CD109: variants seen among roughly 807,000 people sequenced by gnomAD.
CD109 encodes CD109 molecule, also known as CD109 antigen.
A neutral mutation model predicts 165.8 loss-of-function variants in CD109; 149 were observed. That is an observed-to-expected ratio of 0.90 (90% CI 0.79 to 1.03). The LOEUF is 1.03. CD109 is among the 50% of genes least tolerant of loss of function. The probability of loss-of-function intolerance (pLI) is 0.00; values close to 1 mark genes in which losing one functional copy is unlikely to be tolerated. For missense variants in CD109, 1,712 were observed against 1,677.8 expected, an observed-to-expected ratio of 1.02 and a Z score of -0.36; for synonymous variants, 585 against 592.1, an observed-to-expected ratio of 0.99 and a Z score of 0.18.
rs775042813 is a variant in CD109, at chr6:73,762,816, G to A, written c.931G>A (p.Glu311Lys). The A allele has an allele frequency of 1.2e-6, 2 of 1,612,082 alleles. No homozygotes were observed. The highest frequency in any genetic ancestry group is 2.7e-5 in the African/African-American group (2 of 74,904). ...NVMDSSNGLS[E>K]YLDLSSPGPV... ...AATGGATTCTTCAAATGGACTTTCT[G>A]AATACCTGGATCTATCTTCCCCTGG... The change falls in exon 9 of 33, where the codon GAA becomes AAA. Residue 311 changes from glutamate to lysine, a missense_variant. Transcript: ENST00000287097.
At chr6:73,773,050 G>T in intron 15 of CD109, among the ~76,000 whole-genome samples, 1 of 149,950 alleles carries the variant, frequency 6.7e-6, no homozygotes, top group African/African-American at 2.4e-5. Context: ...TAAATATCTT[G>T]GTAAATATAT....
intron 5 of CD109, among the ~76,000 whole-genome samples, chr6:73,748,846 C>T (rs1375517929): frequency 6.6e-6 from 1 of 152,172 alleles, no homozygotes; most frequent in African/African-American, 2.4e-5. Context: ...CATTTTCTCT[C>T]ATTTTGCAAA....
chr6:73,806,955 C>A lies in CD109; in HGVS notation c.3072C>A (p.Asn1024Lys), dbSNP rs374538782. 1 of 1,613,902 alleles carries A rather than the reference C, an allele frequency of 6.2e-7. No homozygotes were observed. Among genetic ancestry groups the A allele is most frequent in the Non-Finnish European group, 8.5e-7 (1 of 1,179,944 alleles). The change falls in exon 25 of 33, where the codon AAC becomes AAA. Residue 1024 changes from asparagine (N) to lysine (K), a missense_variant. Asn to Lys is a moderately conservative substitution (Grantham distance 94). Coordinates refer to ENST00000287097, the MANE Select transcript of CD109 (RefSeq NM_133493.5). ...GGCTTAAAGGACATCAGAAATCCAA[C>A]GGTGAATTTTGGGATCCAGGAAGAG... ...YTWLKGHQKS[N>K]GEFWDPGRVI... is the part of the protein sequence containing the mutation.
Position 73,788,955 on chromosome 6 carries a change from A to ACTATACTGT in CD109, c.2701+344_2701+352dup, listed in dbSNP as rs1282234954. On this transcript the variant is annotated intron_variant, in intron 22 of 32. Transcript: ENST00000287097. ...ACCACACTTTGAGTAGCAAGGCCTC[A>ACTATACTGT]CTATACTGTGGCTGGAGGGAGGGTT... is the stretch of plus-strand genomic sequence containing the variant. Among the ~76,000 whole-genome samples, 5 of 152,182 alleles carry ACTATACTGT rather than the reference A, an allele frequency of 3.3e-5. No individual in the cohort carries two copies. The East Asian group carries it at 7.7e-4, about 23-fold the overall frequency.
chr6:73,729,517 TA>T (rs1019409573), intron 3 of CD109, among the ~76,000 whole-genome samples: 24 of 148,676 alleles, frequency 1.6e-4, no homozygotes, highest in Non-Finnish European at 3.3e-4. Flanking sequence ...TTATTATTAT[TA>T]TTATTATTAT....
intron 26 of CD109, among the ~76,000 whole-genome samples, chr6:73,809,275 C>T (rs1775673586): frequency 6.6e-6 from 1 of 151,936 alleles, no homozygotes; most frequent in Admixed American, 6.6e-5. Context: ...TAACACCAAC[C>T]TTCAGATAAT....
At chr6:73,749,772 G>GT (rs1450476649) in intron 5 of CD109, among the ~76,000 whole-genome samples, 2 of 152,192 alleles carry the variant, frequency 1.3e-5, no homozygotes, top group Non-Finnish European at 2.9e-5. Context: ...AAACATGATA[G>GT]TGTAGAAAGT....
At chr6:73,734,956 A>G (rs1024832709) in intron 4 of CD109, among the ~76,000 whole-genome samples, 1 of 152,236 alleles carries the variant, frequency 6.6e-6, no homozygotes, top group African/African-American at 2.4e-5. Context: ...CTCCAGATAT[A>G]CTAGGGACTT....
At position 73,748,857 on chromosome 6, in the gene CD109, C is replaced by T. The variant is rs73458391; in HGVS notation, c.634-7786C>T. ...TAAACATTTTCTCTCATTTTGCAAA[C>T]CCTATTGACTCTGTCATTCCTCTAA... On this transcript the variant is annotated intron_variant, in intron 5 of 32. Coordinates refer to ENST00000287097, the MANE Select transcript of CD109 (RefSeq NM_133493.5). Among the ~76,000 whole-genome samples, 993 of 152,274 alleles carry T rather than the reference C, an allele frequency of 6.5e-3. 16 individuals are homozygous for T. The highest frequency in any genetic ancestry group is 0.022 in the African/African-American group (929 of 41,546).
chr6:73,704,664 G>A (rs1402651213), intron 2 of CD109, among the ~76,000 whole-genome samples: 3 of 152,058 alleles, frequency 2.0e-5, no homozygotes, highest in South Asian at 4.2e-4. Context: ...CTGTGAAGAG[G>A]GCTTTATAAT....
At chr6:73,736,603 A>T in intron 5 of CD109, 95 bp downstream of exon 5, 2 of 1,064,354 alleles carry the variant, frequency 1.9e-6, no homozygotes, top group Non-Finnish European at 2.7e-6. Flanking sequence ...AATGAAGAGA[A>T]AAAAATTAAT....
chr6:73,791,788 T>G (rs1774982098), intron 22 of CD109, among the ~76,000 whole-genome samples: 1 of 152,210 alleles, frequency 6.6e-6, no homozygotes, highest in African/African-American at 2.4e-5. Context: ...CATCTAAAAT[T>G]TAAGCTATAC....
chr6:73,688,556 T>G, the CD109 span, among the ~76,000 whole-genome samples: 1 of 152,136 alleles, frequency 6.6e-6, no homozygotes, highest in Non-Finnish European at 1.5e-5. Context: ...GAGAGTCTTT[T>G]GTACTAATGA....
At chr6:73,703,458 G>C (rs1771152776) in intron 2 of CD109, among the ~76,000 whole-genome samples, 1 of 152,214 alleles carries the variant, frequency 6.6e-6, no homozygotes, top group African/African-American at 2.4e-5. Flanking sequence ...CTGGGAGACT[G>C]AGGTGAGGCA....
intron 4 of CD109, 27 bp from the exon 5 acceptor site, chr6:73,736,356 T>A: frequency 6.2e-7 from 1 of 1,611,822 alleles, no homozygotes; most frequent in Non-Finnish European, 8.5e-7. Flanking sequence ...AGCCTCTACA[T>A]ACTTACATGT....
Position 73,825,397 on chromosome 6 carries a change from C to G in CD109, c.*1764C>G, listed in dbSNP as rs9447040. ...TGTAAACGTGTTTTTGCCCTTTACT[C>G]TCTGGGAGTTCTTTAAAGGTGAAAT... On this transcript the variant is annotated 3_prime_UTR_variant, in exon 33 of 33. Coordinates refer to ENST00000287097, the MANE Select transcript of CD109 (RefSeq NM_133493.5). 1 of 152,156 alleles carries G rather than the reference C, an allele frequency of 6.6e-6. No homozygotes were observed. The highest frequency in any genetic ancestry group is 2.1e-4 in the South Asian group (1 of 4,824). 9.4% of individuals were successfully genotyped at this position (152,156 alleles called of 1,614,324 possible).
Position 73,823,501 on chromosome 6 carries a change from C to T in CD109, c.4206C>T (p.Ser1402=). 6.2e-7 allele frequency: 1 copy of T among 1,613,498 alleles called. No homozygotes were observed. The highest frequency in any genetic ancestry group is 2.2e-5 in the East Asian group (1 of 44,888). The part of the protein sequence containing the change: ...VRSYNSEVKL[S]SCDLCSDVQG... Reference sequence around the variant, plus strand: ...GTTACAACTCTGAAGTGAAGCTGTCCTCCTGTGACCTTTGCAGTGATGTCC... The same window carrying T: ...GTTACAACTCTGAAGTGAAGCTGTCTTCCTGTGACCTTTGCAGTGATGTCC... Residue 1402 remains serine (S), a synonymous_variant, in exon 33 of 33, where the codon TCC becomes TCT. Transcript: ENST00000287097.
chr6:73,746,399 C>T lies in CD109; in HGVS notation c.633+9891C>T, dbSNP rs549506509. On this transcript the variant is annotated intron_variant, in intron 5 of 32. Coordinates refer to ENST00000287097, the MANE Select transcript of CD109 (RefSeq NM_133493.5). ...GTTATTTTCCCTCAAGGGTAACTTT[C>T]CTATTCAGTACAAACCTGTAGCTAT... Among the ~76,000 whole-genome samples, 4 of 152,232 alleles carry T rather than the reference C, an allele frequency of 2.6e-5. No homozygotes were observed. The East Asian group carries it at 5.8e-4, about 22-fold the overall frequency.
intron 4 of CD109, among the ~76,000 whole-genome samples, chr6:73,734,271 A>G (rs1413385341): frequency 6.6e-6 from 1 of 152,220 alleles, no homozygotes; most frequent in East Asian, 1.9e-4. Flanking sequence ...AAAGCCATCA[A>G]TGAGGTCAGT....
Sources: gnomAD v4.1 joint callset for allele counts (sites outside exome capture counted in the v4.1 genomes callset) on GRCh38, gnomAD v4.1.1 for gene constraint, MANE v1.5 for transcripts, NCBI Gene and HGNC (gene_info 2026-07-23, HGNC 2026-07-21) for gene names.